Variants in PTPRD observed in about 807,000 individuals in gnomAD.
PTPRD encodes receptor-type tyrosine-protein phosphatase delta.
PTPRD carries 34 observed loss-of-function variants against 214.5 expected under a neutral mutation model. The ratio of observed to expected loss-of-function variants is 0.16; its 90% CI spans 0.12 to 0.21. The LOEUF is 0.21. Ranked by LOEUF, PTPRD falls within the 10% of genes least tolerant of loss-of-function variation. The probability of loss-of-function intolerance (pLI) is 1.00; values close to 1 mark genes in which losing one functional copy is unlikely to be tolerated. For missense variants in PTPRD, 2,545 were observed against 2,398.7 expected (o/e 1.06, Z -1.27); for synonymous variants, 1,128 against 845.7 (o/e 1.33, Z -5.79).
chr9:10,153,147 A>G (rs566350191), intron 3 of PTPRD, among the ~76,000 whole-genome samples: 2 of 152,288 alleles, frequency 1.3e-5, no homozygotes, highest in East Asian at 3.9e-4. Context: ...AAAGTTGTTG[A>G]GAGTAGATTT....
At chr9:9,904,752 T>G (rs2077166423) in intron 5 of PTPRD, among the ~76,000 whole-genome samples, 1 of 151,988 alleles carries the variant, frequency 6.6e-6, no homozygotes. Context: ...TTTGAGAAAA[T>G]GTAATGACAC....
At chr9:9,262,009 G>T (rs188270637) in intron 9 of PTPRD, among the ~76,000 whole-genome samples, 29 of 151,678 alleles carry the variant, frequency 1.9e-4, no homozygotes, top group Non-Finnish European at 3.2e-4. Flanking sequence ...ATAGATTATA[G>T]AACTCTACAA....
At chr9:8,463,870 C>A (rs1388477938) in intron 32 of PTPRD, among the ~76,000 whole-genome samples, 2 of 151,852 alleles carry the variant, frequency 1.3e-5, no homozygotes, top group African/African-American at 4.8e-5. Context: ...TACACAAAGG[C>A]TTTATTACTG....
intron 8 of PTPRD, among the ~76,000 whole-genome samples, chr9:9,417,103 C>T (rs1038962298): frequency 6.6e-6 from 1 of 152,094 alleles, no homozygotes; most frequent in East Asian, 1.9e-4. Flanking sequence ...AAGCTGTTAT[C>T]CCATTCTTTG....
intron 9 of PTPRD, among the ~76,000 whole-genome samples, chr9:9,286,026 C>G (rs1280515626): frequency 6.6e-5 from 10 of 151,740 alleles, no homozygotes; most frequent in Admixed American, 5.3e-4. Context: ...TGCCATCCCC[C>G]ACCCGATACT....
At chr9:8,853,751 G>T (rs1421485830) in intron 11 of PTPRD, among the ~76,000 whole-genome samples, 1 of 152,054 alleles carries the variant, frequency 6.6e-6, no homozygotes, top group African/African-American at 2.4e-5. Context: ...CTCTTTCTTG[G>T]CAAATCACTG....
Position 8,859,212 on chromosome 9 carries a change from ATGT to A in PTPRD, c.-103-125269_-103-125267del, listed in dbSNP as rs904231342. ...TTTTGCTTTCATGCCACTTGCTTTT[ATGT>A]TGTTGGAAATGCAGTGCTCCTCAGC... On this transcript the variant is annotated intron_variant, in intron 11 of 45. Coordinates refer to ENST00000381196, the MANE Select transcript of PTPRD (RefSeq NM_002839.4). Among the ~76,000 whole-genome samples, 4 of 152,130 alleles carry A rather than the reference ATGT, an allele frequency of 2.6e-5. No homozygotes were observed. In the East Asian group the frequency reaches 5.8e-4, roughly 22 times the overall value.
chr9:10,275,882 C>T (rs1236446580), intron 3 of PTPRD, among the ~76,000 whole-genome samples: 2 of 152,136 alleles, frequency 1.3e-5, no homozygotes, highest in Admixed American at 6.5e-5. Flanking sequence ...AGAAGAGAAA[C>T]TCAAAATCAA....
At chr9:9,272,026 G>A (rs1437720628) in intron 9 of PTPRD, among the ~76,000 whole-genome samples, 1 of 151,120 alleles carries the variant, frequency 6.6e-6, no homozygotes, top group African/African-American at 2.4e-5. Context: ...TAGATGAGGT[G>A]AAGAATGGAG....
At chr9:9,771,657 C>T (rs12379931) in intron 5 of PTPRD, among the ~76,000 whole-genome samples, 1,756 of 152,234 alleles carry the variant, frequency 0.012, 15 homozygotes, top group Middle Eastern at 0.034. Context: ...ATTTTAAATT[C>T]CCTACTGACA....
intron 5 of PTPRD, among the ~76,000 whole-genome samples, chr9:9,773,121 G>C (rs1319198803): frequency 2.0e-5 from 3 of 152,124 alleles, no homozygotes; most frequent in African/African-American, 7.2e-5. Flanking sequence ...TTTAGATGAA[G>C]AGATAAGTGT....
At chr9:8,414,192 G>A (rs1362171960) in intron 35 of PTPRD, among the ~76,000 whole-genome samples, 2 of 151,124 alleles carry the variant, frequency 1.3e-5, no homozygotes, top group Non-Finnish European at 3.0e-5. Flanking sequence ...ATAGACCAGA[G>A]ATATAAAAAA....
At chr9:8,491,909 C>G (rs2097158830) in intron 27 of PTPRD, among the ~76,000 whole-genome samples, 2 of 152,058 alleles carry the variant, frequency 1.3e-5, no homozygotes, top group African/African-American at 4.8e-5. Context: ...CAGAGTAAAT[C>G]AAATCATGGT....
At chr9:9,698,866 T>C (rs947781576) in intron 7 of PTPRD, among the ~76,000 whole-genome samples, 1 of 152,190 alleles carries the variant, frequency 6.6e-6, no homozygotes, top group African/African-American at 2.4e-5. Context: ...CAACATAGCC[T>C]AACTCCTAGC....
intron 11 of PTPRD, among the ~76,000 whole-genome samples, chr9:8,824,326 G>A (rs967086577): frequency 6.6e-6 from 1 of 152,134 alleles, no homozygotes; most frequent in African/African-American, 2.4e-5. Flanking sequence ...CCTAAGGGTT[G>A]CCCAGGGACA....
chr9:8,330,385 T>C (rs756073142), intron 44 of PTPRD, among the ~76,000 whole-genome samples: 1 of 152,146 alleles, frequency 6.6e-6, no homozygotes, highest in African/African-American at 2.4e-5. Context: ...TAGACTATAG[T>C]ATAAAGTAAA....
At chr9:9,192,032 A>T (rs2099935538) in intron 9 of PTPRD, among the ~76,000 whole-genome samples, 1 of 151,954 alleles carries the variant, frequency 6.6e-6, no homozygotes, top group South Asian at 2.1e-4. Context: ...CTTCTGAAAA[A>T]TTTATCAAAA....
chr9:9,203,944 C>T (rs1324974794), intron 9 of PTPRD, among the ~76,000 whole-genome samples: 1 of 152,090 alleles, frequency 6.6e-6, no homozygotes, highest in Non-Finnish European at 1.5e-5. Flanking sequence ...GCTCACTGTA[C>T]TCTTAAAATT....
chr9:10,599,876 G>C (rs1189213902), intron 2 of PTPRD, among the ~76,000 whole-genome samples: 3 of 151,674 alleles, frequency 2.0e-5, no homozygotes, highest in Non-Finnish European at 4.4e-5. Flanking sequence ...CTCCCCAACA[G>C]ATCAGCATCA....
Sources: gnomAD v4.1 joint callset for allele counts (sites outside exome capture counted in the v4.1 genomes callset) on GRCh38, gnomAD v4.1.1 for gene constraint, MANE v1.5 for transcripts, NCBI Gene and HGNC (gene_info 2026-07-23, HGNC 2026-07-21) for gene names.